TLR10: variants seen among roughly 807,000 people sequenced by gnomAD.
The protein encoded by TLR10 is toll-like receptor 10.
For missense variants in TLR10, 929 were observed against 932.9 expected (o/e 1.00, Z 0.05); for synonymous variants, 288 against 338.8 (o/e 0.85, Z 1.65).
In TLR10 at chr4:38,774,797, A is replaced by C. The variant is rs375661891; in HGVS notation, c.794T>G (p.Phe265Cys). ...LWDDLFLILQ[F>C]VWHTSVEHFQ... ...GTGTTCCACTGATGTATGCCAAACA[A>C]ATTGTAAGATAAGGAAAAGGTCGTC... The change falls in exon 4 of 4, where the codon TTT (phenylalanine) becomes TGT (cysteine). Residue 265 changes from phenylalanine (F) to cysteine (C), a missense_variant. Physicochemically the swap from Phe to Cys is radical, Grantham distance 205. Coordinates refer to ENST00000308973, the MANE Select transcript of TLR10 (RefSeq NM_030956.4). 2.5e-6 allele frequency: 4 copies of C among 1,598,892 alleles called. No homozygotes were observed. In the African/African-American group the frequency reaches 5.4e-5, roughly 22 times the overall value.
rs775330378 is a variant in TLR10, at chr4:38,773,693, C to T, written c.1898G>A (p.Arg633Gln). 1.5e-5 allele frequency: 24 copies of T among 1,613,414 alleles called. No individual in the cohort carries two copies. Among genetic ancestry groups the T allele is most frequent in the Middle Eastern group, 1.6e-4 (1 of 6,080 alleles). The part of the protein sequence containing the change: ...TTQEQLKRNV[R>Q]FHAFISYSEH... ...ACTGTATGAAATAAATGCGTGGAAT[C>T]GGACATTTCTCTTGAGTTGTTCTTG... Residue 633 changes from arginine to glutamine, a missense_variant, in exon 4 of 4, where the codon CGA becomes CAA. Transcript: ENST00000308973.
rs1724785986 is a variant in TLR10 at position 38,773,539 on chromosome 4, G to A, written c.2052C>T (p.Ser684=). The change falls in exon 4 of 4, where the codon AGC becomes AGT. Residue 684 remains serine (S), a synonymous_variant. Coordinates refer to ENST00000308973, the MANE Select transcript of TLR10 (RefSeq NM_030956.4). Reference sequence around the variant, plus strand: ...TGGACTTATAGCTTTTCTCAATGAAGCTTACAATATTTTCACTAATGCTTT... The same window carrying A: ...TGGACTTATAGCTTTTCTCAATGAAACTTACAATATTTTCACTAATGCTTT... ...PGKSISENIV[S]FIEKSYKSIF... is the part of the protein sequence containing the mutation. 1 of 1,610,768 alleles carries A rather than the reference G, an allele frequency of 6.2e-7. No homozygotes were observed. The highest frequency in any genetic ancestry group is 1.1e-5 in the South Asian group (1 of 90,328).
intron 1 of TLR10, among the ~76,000 whole-genome samples, 194 bp from the exon 2 acceptor site, chr4:38,776,620 G>A (rs11466643): frequency 0.095 from 14,527 of 152,230 alleles, 1,197 homozygotes; most frequent in African/African-American, 0.2. Context: ...CAGGCTTCAC[G>A]TGGTTGGATT....
Position 38,774,756 on chromosome 4 carries a change from C to G in TLR10, c.835G>C (p.Val279Leu). 1 of 1,601,916 alleles carries G rather than the reference C, an allele frequency of 6.2e-7. No individual in the cohort carries two copies. The highest frequency in any genetic ancestry group is 8.5e-7 in the Non-Finnish European group (1 of 1,176,106). ...AGATAAGCCTTACCACCAAAAGTCA[C>G]ATTTCGGATCTGAAAGTGTTCCACT... ...TSVEHFQIRN[V>L]TFGGKAYLDH... is the part of the protein sequence containing the mutation. Residue 279 changes from valine to leucine, a missense_variant, in exon 4 of 4, where the codon GTG becomes CTG. Physicochemically the swap from Val to Leu is conservative, Grantham distance 32. Coordinates refer to ENST00000308973, the MANE Select transcript of TLR10 (RefSeq NM_030956.4).
intron 1 of TLR10, among the ~76,000 whole-genome samples, chr4:38,778,248 A>G (rs1178365811): frequency 6.6e-6 from 1 of 152,138 alleles, no homozygotes; most frequent in Non-Finnish European, 1.5e-5. Flanking sequence ...GAGTTGAACA[A>G]TGAGAACACA....
At position 38,773,116 on chromosome 4, in the gene TLR10, A is replaced by G. The variant is rs780408504; in HGVS notation, c.*39T>C. 4.8e-5 allele frequency: 71 copies of G among 1,481,898 alleles called. 2 individuals carry two copies. In the South Asian group the frequency reaches 1.0e-3, roughly 21 times the overall value. The allele number at this position is 1,481,898 out of a possible 1,614,324, so 91.8% of individuals were successfully genotyped here. A position where few individuals can be genotyped will look rare whatever the true frequency, so the allele number is the denominator to read the frequency against. On this transcript the variant is annotated 3_prime_UTR_variant, in exon 4 of 4. Coordinates refer to ENST00000308973, the MANE Select transcript of TLR10 (RefSeq NM_030956.4). ...AGGTTGTATCAATGTACATCCCAAC[A>G]GTGTATGTGGTCCCCAACTTCCCAA... is the stretch of plus-strand genomic sequence containing the variant.
chr4:38,773,780 G>A lies in TLR10; in HGVS notation c.1811C>T (p.Pro604Leu). The change falls in exon 4 of 4, where the codon CCC (proline) becomes CTC (leucine). Residue 604 changes from proline to leucine, a missense_variant. Pro to Leu is a moderately conservative substitution (Grantham distance 98). Transcript: ENST00000308973. ...VAFCCLHFDL[P>L]WYLRMLGQCT... ...TTGACCTAGCATCCTGAGATACCAG[G>A]GCAGATCAAAGTGGAGACAGCAGAA... 1 of 1,606,734 alleles carries A rather than the reference G, an allele frequency of 6.2e-7. No homozygotes were observed. The highest frequency in any genetic ancestry group is 1.1e-5 in the South Asian group (1 of 89,540).
chr4:38,773,609 C>A lies in TLR10; in HGVS notation c.1982G>T (p.Gly661Val). The change falls in exon 4 of 4, where the codon GGT becomes GTT. Residue 661 changes from glycine (G) to valine (V), a missense_variant. By Grantham distance (109) the Gly-to-Val change is moderately radical. Coordinates refer to ENST00000308973, the MANE Select transcript of TLR10 (RefSeq NM_030956.4). ...ELIPNLEKEDGSILICLYESY... is the reference protein window; with the variant it reads ...ELIPNLEKEDVSILICLYESY... ...TTCATAAAGGCAAATCAAGATAGAA[C>A]CATCTTCCTTCTCTAGATTGGGGAT... 1 of 1,600,926 alleles carries A rather than the reference C, an allele frequency of 6.2e-7. No homozygotes were observed. Among genetic ancestry groups the A allele is most frequent in the Admixed American group, 1.7e-5 (1 of 58,336 alleles).
chr4:38,782,605 T>C (rs28760527), intron 1 of TLR10, among the ~76,000 whole-genome samples: 22,390 of 152,142 alleles, frequency 0.15, 2,818 homozygotes, highest in African/African-American at 0.35. Flanking sequence ...TAACATACGC[T>C]GTGGGGAAAT....
Position 38,774,715 on chromosome 4 carries a change from A to G in TLR10, c.876T>C (p.Phe292=). 1 of 1,583,390 alleles carries G rather than the reference A, an allele frequency of 6.3e-7. No homozygotes were observed. The highest frequency in any genetic ancestry group is 8.6e-7 in the Non-Finnish European group (1 of 1,169,004). Residue 292 remains phenylalanine (F), a synonymous_variant, in exon 4 of 4, where the codon TTT becomes TTC. Transcript: ENST00000308973. The part of the protein sequence containing the change: ...GGKAYLDHNS[F]DYSNTVMRTI... ...TTCTCATTACAGTATTTGAGTAGTC[A>G]AATGAATTGTGGTCAAGATAAGCCT...
chr4:38,773,355 T>C lies in TLR10; in HGVS notation c.2236A>G (p.Lys746Glu), dbSNP rs1019338963. 3.1e-6 allele frequency: 5 copies of C among 1,613,940 alleles called. No individual in the cohort carries two copies. The African/African-American group carries it at 5.3e-5, about 17-fold the overall frequency. The change falls in exon 4 of 4, where the codon AAA (lysine) becomes GAA (glutamate). Residue 746 changes from lysine (K) to glutamate (E), a missense_variant. By Grantham distance (56) the Lys-to-Glu change is moderately conservative. Transcript: ENST00000308973. ...YCIPTRYHKL[K>E]ALLEKKAYLE... ...TATGCTTTTTTTTCCAGGAGAGCTT[T>C]CAGTTTATGATACCTGGTGGGAATG...
chr4:38,781,766 T>C (rs1382055116), intron 1 of TLR10, among the ~76,000 whole-genome samples: 2 of 152,170 alleles, frequency 1.3e-5, no homozygotes, highest in African/African-American at 4.8e-5. Context: ...AGAAAAGAGA[T>C]TAAGAACCTA....
Position 38,773,727 on chromosome 4 carries a change from T to G in TLR10, c.1864A>C (p.Lys622Gln). The G allele has an allele frequency of 2.5e-6, 4 of 1,613,972 alleles. No individual in the cohort carries two copies. Among genetic ancestry groups the G allele is most frequent in the Non-Finnish European group, 3.4e-6 (4 of 1,179,968 alleles). Reference protein sequence around the residue: ...QCTQTWHRVRKTTQEQLKRNV... With the variant: ...QCTQTWHRVRQTTQEQLKRNV... ...CTCTTGAGTTGTTCTTGGGTTGTTTTCCTAACCCTGTGCCATGTTTGTGTG... is the reference window on the plus strand; with the variant it reads ...CTCTTGAGTTGTTCTTGGGTTGTTTGCCTAACCCTGTGCCATGTTTGTGTG... Residue 622 changes from lysine (K) to glutamine (Q), a missense_variant, in exon 4 of 4, where the codon AAA (lysine) becomes CAA (glutamine). By Grantham distance (53) the Lys-to-Gln change is moderately conservative (BLOSUM62 1). Transcript: ENST00000308973.
rs780798111 is a variant in TLR10, at chr4:38,774,922, A to G, written c.669T>C (p.Asp223=). ...CATAACTTACAAATTGGCTTTTGCC[A>G]TCTATATTTGTCATTTCTAATATTT... is the stretch of plus-strand genomic sequence containing the variant. The part of the protein sequence containing the change: ...TSKILEMTNI[D]GKSQFVSYEM... Residue 223 remains aspartate, a synonymous_variant, in exon 4 of 4, where the codon GAT becomes GAC. Coordinates refer to ENST00000308973, the MANE Select transcript of TLR10 (RefSeq NM_030956.4). 7.4e-6 allele frequency: 12 copies of G among 1,611,494 alleles called. No individual in the cohort carries two copies. Among genetic ancestry groups the G allele is most frequent in the Non-Finnish European group, 1.0e-5 (12 of 1,179,306 alleles).
In TLR10 at chr4:38,774,400, T is replaced by C; in HGVS notation, c.1191A>G (p.Thr397=). The change falls in exon 4 of 4, where the codon ACA becomes ACG. Residue 397 remains threonine, a synonymous_variant. Transcript: ENST00000308973. ...GACTCAGATCCAAGTGTTCCAAGGG[T>C]GTGTTGTTAGCAAAGCAACTTACTA... is the stretch of plus-strand genomic sequence containing the variant. ...LSLVSCFANN[T]PLEHLDLSQN... 3 of 1,613,396 alleles carry C rather than the reference T, an allele frequency of 1.9e-6. No homozygotes were observed. Among genetic ancestry groups the C allele is most frequent in the Non-Finnish European group, 2.5e-6 (3 of 1,179,820 alleles).
chr4:38,773,201 T>C lies in TLR10; in HGVS notation c.2390A>G (p.Glu797Gly). ...CAGAGAGATTGTAGAACCTCGAGACTCTTCATTTAACTCTGTGAATGTCTG... is the reference window on the plus strand; with the variant it reads ...CAGAGAGATTGTAGAACCTCGAGACCCTTCATTTAACTCTGTGAATGTCTG... ...ELQTFTELNEESRGSTISLMR... is the reference protein window; with the variant it reads ...ELQTFTELNEGSRGSTISLMR... Residue 797 changes from glutamate (E) to glycine (G), a missense_variant, in exon 4 of 4, where the codon GAG becomes GGG. Glu to Gly is a moderately conservative substitution (Grantham distance 98, BLOSUM62 -2). Coordinates refer to ENST00000308973, the MANE Select transcript of TLR10 (RefSeq NM_030956.4). The C allele has an allele frequency of 1.3e-6, 2 of 1,562,094 alleles. No individual in the cohort carries two copies. The highest frequency in any genetic ancestry group is 1.7e-6 in the Non-Finnish European group (2 of 1,158,910).
chr4:38,776,231 T>G lies in TLR10; in HGVS notation c.-373A>C, dbSNP rs974016953. ...TACTGCCAAATAATAGTATTAATGT[T>G]GAAAAACAATTTCCAGGTGTGACAT... is the stretch of plus-strand genomic sequence containing the variant. On this transcript the variant is annotated 5_prime_UTR_variant, in exon 2 of 4. Transcript: ENST00000308973. 4.7e-6 allele frequency: 1 copy of G among 213,442 alleles called. No homozygotes were observed. Among genetic ancestry groups the G allele is most frequent in the Non-Finnish European group, 1.0e-5 (1 of 99,396 alleles). 13.2% of individuals were successfully genotyped at this position (213,442 alleles called of 1,614,324 possible).
At chr4:38,779,153 T>C (rs11466611) in intron 1 of TLR10, 77 of 152,348 alleles carry the variant, frequency 5.1e-4, no homozygotes, top group African/African-American at 1.7e-3. Flanking sequence ...TGGGAACACA[T>C]ATGATCATAG....
rs186577823 is a variant in TLR10, at chr4:38,773,134, C to A, written c.*21G>T. ...TCCCAACAGTGTATGTGGTCCCCAA[C>A]TTCCCAAGGACTGTGGGATTTTATA... On this transcript the variant is annotated 3_prime_UTR_variant, in exon 4 of 4. Coordinates refer to ENST00000308973, the MANE Select transcript of TLR10 (RefSeq NM_030956.4). The A allele has an allele frequency of 6.1e-5, 92 of 1,503,820 alleles. No individual in the cohort carries two copies. In the African/African-American group the frequency reaches 1.1e-3, roughly 18 times the overall value. 93.2% of individuals were successfully genotyped at this position (1,503,820 alleles called of 1,614,324 possible).
Sources: gnomAD v4.1 joint callset for allele counts (sites outside exome capture counted in the v4.1 genomes callset) on GRCh38, gnomAD v4.1.1 for gene constraint, MANE v1.5 for transcripts, NCBI Gene and HGNC (gene_info 2026-07-23, HGNC 2026-07-21) for gene names.